Variants in CSMD1 observed in about 807,000 individuals in gnomAD.
CSMD1 encodes CUB and sushi domain-containing protein 1.
In CSMD1, 213 loss-of-function variants were observed where a neutral mutation model predicts 417.5. The observed-to-expected ratio is 0.51, with a 90% CI of 0.46 to 0.57. CSMD1 has a LOEUF of 0.57. CSMD1 is among the 20% of genes least tolerant of loss of function. The pLI is 0.00. For missense variants in CSMD1, 6,923 were observed against 4,529.7 expected, an observed-to-expected ratio of 1.53 and a Z score of -15.17; for synonymous variants, 2,862 against 1,736.8, an observed-to-expected ratio of 1.65 and a Z score of -16.11.
At chr8:4,137,177 CT>C (rs1323608577) in intron 3 of CSMD1, among the ~76,000 whole-genome samples, 5 of 152,168 alleles carry the variant, frequency 3.3e-5, no homozygotes, top group African/African-American at 9.7e-5. Flanking sequence ...TTCCTCCTAC[CT>C]AATAGCATTA....
intron 26 of CSMD1, among the ~76,000 whole-genome samples, chr8:3,231,183 G>A (rs1049016831): frequency 6.6e-6 from 1 of 152,102 alleles, no homozygotes; most frequent in East Asian, 1.9e-4. Flanking sequence ...TGTATTATGT[G>A]TCGCACTGAA....
chr8:3,021,572 C>T (rs1387985930), intron 51 of CSMD1, among the ~76,000 whole-genome samples: 2 of 152,236 alleles, frequency 1.3e-5, no homozygotes, highest in African/African-American at 4.8e-5. Flanking sequence ...AGTGCTTCCT[C>T]TGAACTCTGG....
intron 1 of CSMD1, among the ~76,000 whole-genome samples, chr8:4,718,375 T>A (rs1217518238): frequency 6.6e-6 from 1 of 152,196 alleles, no homozygotes; most frequent in East Asian, 1.9e-4. Context: ...ATACATAAAT[T>A]GGAGTCAACT....
At chr8:3,894,366 G>A (rs773201615) in intron 5 of CSMD1, among the ~76,000 whole-genome samples, 1 of 152,112 alleles carries the variant, frequency 6.6e-6, no homozygotes, top group Non-Finnish European at 1.5e-5. Context: ...AATGGGTGTT[G>A]CAACTCAAGG....
At chr8:3,736,766 T>C (rs1455372730) in intron 6 of CSMD1, among the ~76,000 whole-genome samples, 1 of 152,192 alleles carries the variant, frequency 6.6e-6, no homozygotes, top group African/African-American at 2.4e-5. Context: ...GGTGTGTCGT[T>C]TTGCCTCAGA....
intron 1 of CSMD1, among the ~76,000 whole-genome samples, chr8:4,850,365 G>C (rs773787152): frequency 7.6e-4 from 91 of 120,422 alleles, no homozygotes; most frequent in Non-Finnish European, 1.5e-3. Flanking sequence ...TTTTTATTTT[G>C]ATGAAATCCA....
At chr8:3,070,041 A>G (rs1323258873) in intron 49 of CSMD1, among the ~76,000 whole-genome samples, 2 of 152,224 alleles carry the variant, frequency 1.3e-5, no homozygotes, top group Non-Finnish European at 2.9e-5. Context: ...TTGTGATTCA[A>G]AGATGGAGCC....
At chr8:3,710,284 G>T (rs1801434198) in intron 6 of CSMD1, among the ~76,000 whole-genome samples, 1 of 152,126 alleles carries the variant, frequency 6.6e-6, no homozygotes, top group Non-Finnish European at 1.5e-5. Context: ...AGGGTTAACT[G>T]TATAAATAAA....
chr8:3,193,342 T>C (rs1321128753), intron 33 of CSMD1, among the ~76,000 whole-genome samples: 2 of 151,952 alleles, frequency 1.3e-5, no homozygotes, highest in Non-Finnish European at 2.9e-5. Flanking sequence ...AGACGAAAAA[T>C]GTTTTTTAGA....
At chr8:3,446,779 T>C (rs1230211708) in intron 12 of CSMD1, among the ~76,000 whole-genome samples, 1 of 152,238 alleles carries the variant, frequency 6.6e-6, no homozygotes, top group East Asian at 1.9e-4. Context: ...CTGACGTCGA[T>C]GAAATGGAAC....
At chr8:4,181,617 AT>A (rs1433739041) in intron 3 of CSMD1, among the ~76,000 whole-genome samples, 1 of 152,234 alleles carries the variant, frequency 6.6e-6, no homozygotes, top group African/African-American at 2.4e-5. Flanking sequence ...CTTAAAATTC[AT>A]TTATATTTAC....
intron 6 of CSMD1, among the ~76,000 whole-genome samples, chr8:3,744,421 T>C (rs531641269): frequency 1.4e-4 from 21 of 152,270 alleles, no homozygotes; most frequent in African/African-American, 4.1e-4. Context: ...TTTTATTCCA[T>C]AGAAAGATTT....
intron 40 of CSMD1, among the ~76,000 whole-genome samples, chr8:3,149,178 C>G (rs1178021362): frequency 2.0e-5 from 3 of 152,150 alleles, no homozygotes; most frequent in South Asian, 2.1e-4. Flanking sequence ...CCAAATTATT[C>G]TCTCGCACAA....
At chr8:3,833,422 A>G (rs116488354) in intron 5 of CSMD1, among the ~76,000 whole-genome samples, 23 of 152,064 alleles carry the variant, frequency 1.5e-4, no homozygotes, top group Non-Finnish European at 2.9e-4. Context: ...TAATTTTGCC[A>G]TATTTTATAT....
At chr8:3,849,440 C>G (rs1803732232) in intron 5 of CSMD1, among the ~76,000 whole-genome samples, 1 of 152,184 alleles carries the variant, frequency 6.6e-6, no homozygotes, top group African/African-American at 2.4e-5. Flanking sequence ...GAAAGTAACC[C>G]TGCTCCTTCT....
chr8:4,456,696 G>A (rs912810220), intron 2 of CSMD1, among the ~76,000 whole-genome samples: 10 of 152,078 alleles, frequency 6.6e-5, no homozygotes, highest in Admixed American at 5.9e-4. Context: ...GGCTCTGGTG[G>A]AAGAAACAGG....
chr8:3,046,680 C>G (rs577562678), intron 50 of CSMD1, among the ~76,000 whole-genome samples: 46 of 152,236 alleles, frequency 3.0e-4, no homozygotes, highest in African/African-American at 1.1e-3. Flanking sequence ...GCCCAAAGCA[C>G]CGGTGTCTAA....
intron 49 of CSMD1, among the ~76,000 whole-genome samples, chr8:3,069,210 T>C (rs1397411857): frequency 1.3e-5 from 2 of 151,956 alleles, no homozygotes; most frequent in African/African-American, 4.8e-5. Flanking sequence ...CTGAGGCAGG[T>C]GGATCACGAG....
intron 8 of CSMD1, chr8:3,613,212 A>G: frequency 3.1e-6 from 1 of 324,182 alleles, no homozygotes; most frequent in Non-Finnish European, 6.2e-6. Context: ...AGCTCACTGA[A>G]GTAGAAGTAG....
Sources: allele counts gnomAD v4.1 joint callset (sites outside exome capture counted in the v4.1 genomes callset), GRCh38; gene constraint gnomAD v4.1.1; transcripts MANE v1.5; gene names NCBI Gene and HGNC (gene_info 2026-07-23, HGNC 2026-07-21).